PLOD1: variants seen among roughly 807,000 people sequenced by gnomAD.
PLOD1 encodes the protein procollagen-lysine,2-oxoglutarate 5-dioxygenase 1, also known as lysine hydroxylase.
In PLOD1, 70 loss-of-function variants were observed where a neutral mutation model predicts 94.7. That is an observed-to-expected ratio of 0.74 (90% confidence interval 0.61 to 0.90). PLOD1 has a LOEUF of 0.90. PLOD1 is among the 40% of genes least tolerant of loss of function. The pLI, the probability that PLOD1 is intolerant of heterozygous loss-of-function variation, is 0.00. For synonymous variants in PLOD1, 417 were observed against 400.2 expected (o/e 1.04, Z -0.50); for missense variants, 905 against 972.7 (o/e 0.93, Z 0.93).
rs201625707 is a variant in PLOD1, at chr1:11,974,660, G to T, written c.2036G>T (p.Gly679Val). 1.2e-6 allele frequency: 2 copies of T among 1,613,528 alleles called. No individual in the cohort carries two copies. The highest frequency in any genetic ancestry group is 2.7e-5 in the African/African-American group (2 of 75,026). ...NRVGVDYEGGGCRFLRYNCSI... is the reference protein window; with the variant it reads ...NRVGVDYEGGVCRFLRYNCSI... ...ATGCTTTCTGTCTCCCAGGGCGGGGGCTGTCGGTTCCTGCGCTACAACTGT... is the reference window on the plus strand; with the variant it reads ...ATGCTTTCTGTCTCCCAGGGCGGGGTCTGTCGGTTCCTGCGCTACAACTGT... The change falls in exon 19 of 19, where the codon GGC becomes GTC. Residue 679 changes from glycine (G) to valine (V), a missense_variant. Gly to Val is a moderately radical substitution (Grantham distance 109). Transcript: ENST00000196061.
Position 11,963,727 on chromosome 1 carries a change from T to C in PLOD1, c.1202+91T>C. The C allele has an allele frequency of 1.3e-6, 1 of 759,772 alleles. No homozygotes were observed. Among genetic ancestry groups the C allele is most frequent in the Admixed American group, 2.0e-5 (1 of 50,082 alleles). 47.1% of individuals were successfully genotyped at this position (759,772 alleles called of 1,614,324 possible). ...CTTGCCTTCCTCCTCCTCCTCCTCA[T>C]CCACCTCCTCTTCCTCCTCTTTTTC... On this transcript the variant is annotated intron_variant, in intron 11 of 18. Transcript: ENST00000196061. This position sits in a 1 kb window ranked among gnomAD's most constrained non-coding sequence, Gnocchi z 4.3.
chr1:11,955,846 G>A (rs1215824113), intron 6 of PLOD1, among the ~76,000 whole-genome samples: 5 of 151,712 alleles, frequency 3.3e-5, no homozygotes, highest in African/African-American at 1.2e-4. Context: ...GGCTGGTCTC[G>A]AACTCCTGAC....
chr1:11,949,180 G>A (rs996411161), intron 2 of PLOD1, among the ~76,000 whole-genome samples: 2 of 152,110 alleles, frequency 1.3e-5, no homozygotes, highest in Non-Finnish European at 2.9e-5. Context: ...TCCTTTTTAG[G>A]AAAGGCCTGC....
intron 9 of PLOD1, among the ~76,000 whole-genome samples, chr1:11,959,772 C>T (rs1293862982): frequency 5.3e-5 from 8 of 151,488 alleles, no homozygotes; most frequent in South Asian, 2.1e-4. Flanking sequence ...CGCCTGCCAC[C>T]GTGCCTGGCT....
intron 2 of PLOD1, 62 bp from the exon 3 acceptor site, chr1:11,949,711 C>T: frequency 6.4e-7 from 1 of 1,571,762 alleles, no homozygotes; most frequent in East Asian, 2.3e-5. Flanking sequence ...TGAGCCACCA[C>T]GGCCAGCCCT....
chr1:11,934,725 G>C lies in PLOD1; in HGVS notation c.-55G>C. ...GCGGGACCTGCGGCCCCGTCGCGAA[G>C]TTTCCAGCCCTGCGAGCGCCGCCGG... On this transcript the variant is annotated 5_prime_UTR_variant, in exon 1 of 19. Transcript: ENST00000196061. 1 of 1,511,274 alleles carries C rather than the reference G, an allele frequency of 6.6e-7. No individual in the cohort carries two copies. The highest frequency in any genetic ancestry group is 8.8e-7 in the Non-Finnish European group (1 of 1,137,302). The allele number at this position is 1,511,274 out of a possible 1,614,324, so 93.6% of individuals were successfully genotyped here.
chr1:11,938,210 C>T (rs1237028470), intron 1 of PLOD1, among the ~76,000 whole-genome samples: 1 of 152,130 alleles, frequency 6.6e-6, no homozygotes, highest in African/African-American at 2.4e-5. Flanking sequence ...CTTGGCTTCC[C>T]AAAGTGCTGG....
chr1:11,964,322 G>GGGGGT, intron 12 of PLOD1, 22 bp downstream of exon 12: 1 of 1,571,792 alleles, frequency 6.4e-7, no homozygotes, highest in Non-Finnish European at 8.7e-7. Flanking sequence ...CAGGGTGGGG[G>GGGGGT]TGGGTGGGGG....
At chr1:11,967,198 A>C in intron 16 of PLOD1, 107 bp downstream of exon 16, 2 of 750,176 alleles carry the variant, frequency 2.7e-6, no homozygotes. Flanking sequence ...CCTTTCTGGG[A>C]CTCTTGACAT....
chr1:11,967,597 G>GTGTATATATATATATATATATATATATA (rs1391982281), intron 16 of PLOD1, among the ~76,000 whole-genome samples: 31 of 59,736 alleles, frequency 5.2e-4, no homozygotes, highest in East Asian at 1.5e-3. Context: ...GTGTGTGTGT[G>GTGTATATATATATATATATATATATATA]TATATATATA....
In PLOD1 at chr1:11,958,716, C is replaced by G. The variant is rs1645757402; in HGVS notation, c.975+69C>G. 6.3e-7 allele frequency: 1 copy of G among 1,586,602 alleles called. No homozygotes were observed. Among genetic ancestry groups the G allele is most frequent in the Non-Finnish European group, 8.6e-7 (1 of 1,159,090 alleles). On this transcript the variant is annotated intron_variant, in intron 9 of 18. Transcript: ENST00000196061. The surrounding 1 kb of genome is among the most constrained non-coding windows in gnomAD (Gnocchi z 4.3). ...CAGGGCCCAGCTTCACAAGGTAGCC[C>G]GAGACCTCTGAGGGTCTCACCGAAT...
At position 11,963,551 on chromosome 1, in the gene PLOD1, C is replaced by T. The variant is rs750301725; in HGVS notation, c.1117C>T (p.Arg373Cys). 5.2e-5 allele frequency: 84 copies of T among 1,601,302 alleles called. 1 individual carries two copies. The highest frequency in any genetic ancestry group is 4.9e-4 in the South Asian group (43 of 88,360). The change falls in exon 11 of 19, where the codon CGC becomes TGC. Residue 373 changes from arginine (R) to cysteine (C), a missense_variant. Physicochemically the swap from Arg to Cys is radical, Grantham distance 180. Transcript: ENST00000196061. This position sits in a 1 kb window ranked among gnomAD's most constrained non-coding sequence, Gnocchi z 4.3. ...NMGADLCRQD[R>C]SCTYYFSVDA... ...TTGCAGAGACCTGTGCCGGCAGGACCGCAGCTGCACCTACTACTTCAGCGT... is the reference window on the plus strand; with the variant it reads ...TTGCAGAGACCTGTGCCGGCAGGACTGCAGCTGCACCTACTACTTCAGCGT...
chr1:11,955,848 A>T (rs1222932953), intron 6 of PLOD1, among the ~76,000 whole-genome samples: 2 of 151,278 alleles, frequency 1.3e-5, no homozygotes, highest in Non-Finnish European at 2.9e-5. Context: ...CTGGTCTCGA[A>T]CTCCTGACCT....
Position 11,957,209 on chromosome 1 carries a change from T to A in PLOD1, c.741+195T>A. Reference sequence around the variant, plus strand: ...TGCTGTGGTGGTCAGTGGTACTCTGTCTGTTCTTGCTGGTCACAGGACACG... The same window carrying A: ...TGCTGTGGTGGTCAGTGGTACTCTGACTGTTCTTGCTGGTCACAGGACACG... On this transcript the variant is annotated intron_variant, in intron 7 of 18. Coordinates refer to ENST00000196061, the MANE Select transcript of PLOD1 (RefSeq NM_000302.4). This position sits in a 1 kb window ranked among gnomAD's most constrained non-coding sequence, Gnocchi z 4.1. 1 of 754,986 alleles carries A rather than the reference T, an allele frequency of 1.3e-6. No individual in the cohort carries two copies. Among genetic ancestry groups the A allele is most frequent in the Non-Finnish European group, 2.5e-6 (1 of 402,594 alleles). 46.8% of individuals were successfully genotyped at this position (754,986 alleles called of 1,614,324 possible). A position where few individuals can be genotyped will look rare whatever the true frequency, so the allele number is the denominator to read the frequency against.
intron 1 of PLOD1, among the ~76,000 whole-genome samples, chr1:11,936,275 T>C (rs372996177): frequency 1.3e-5 from 2 of 151,992 alleles, no homozygotes; most frequent in Admixed American, 6.6e-5. Context: ...TGGATTGCAG[T>C]GTGTGCCCCA....
In PLOD1 at chr1:11,970,683, A is replaced by T; in HGVS notation, c.1769A>T (p.Gln590Leu). 1 of 1,613,312 alleles carries T rather than the reference A, an allele frequency of 6.2e-7. No individual in the cohort carries two copies. The highest frequency in any genetic ancestry group is 8.5e-7 in the Non-Finnish European group (1 of 1,179,962). The stretch of plus-strand genomic sequence containing the variant: ...GGTCACCTCCAGGACAACCGCATCC[A>T]GGGTGGCTACGAGAACGTGCCGACT... ...SLGNNKDNRI[Q>L]GGYENVPTID... Residue 590 changes from glutamine to leucine, a missense_variant, in exon 17 of 19, where the codon CAG becomes CTG. Coordinates refer to ENST00000196061, the MANE Select transcript of PLOD1 (RefSeq NM_000302.4).
intron 1 of PLOD1, among the ~76,000 whole-genome samples, chr1:11,940,982 A>G (rs1204760546): frequency 1.3e-5 from 2 of 152,204 alleles, no homozygotes; most frequent in African/African-American, 4.8e-5. Flanking sequence ...GGACAGGGAA[A>G]TGAAGACAAG....
In PLOD1 at chr1:11,949,845, C is replaced by G. The variant is rs1348207190; in HGVS notation, c.241C>G (p.Leu81Val). ...AGGTGGAGGGCAGAAGGTCCGGCTG[C>G]TGAAGAAAGCTCTGGAGAAGCACGC... ...SAGGGQKVRL[L>V]KKALEKHADK... is the part of the protein sequence containing the mutation. Residue 81 changes from leucine (L) to valine (V), a missense_variant, in exon 3 of 19, where the codon CTG (leucine) becomes GTG (valine). Coordinates refer to ENST00000196061, the MANE Select transcript of PLOD1 (RefSeq NM_000302.4). The G allele has an allele frequency of 3.7e-6, 6 of 1,614,046 alleles. No homozygotes were observed. The highest frequency in any genetic ancestry group is 5.1e-6 in the Non-Finnish European group (6 of 1,179,928).
intron 16 of PLOD1, among the ~76,000 whole-genome samples, chr1:11,967,658 A>ATATTT (rs531664511): frequency 4.6e-5 from 5 of 108,974 alleles, no homozygotes; most frequent in South Asian, 6.8e-4. Context: ...ATATATATAT[A>ATATTT]TTTTTTTTAA....
Sources: gnomAD v4.1 joint callset for allele counts (sites outside exome capture counted in the v4.1 genomes callset) on GRCh38, gnomAD v4.1.1 for gene constraint, Gnocchi (gnomAD v3.1) non-coding constraint, MANE v1.5 for transcripts, NCBI Gene and HGNC (gene_info 2026-07-23, HGNC 2026-07-21) for gene names.